The following DLG2 variants were observed in gnomAD, a reference collection of about 807,000 sequenced individuals.
DLG2 encodes the protein discs large MAGUK scaffold protein 2.
A neutral mutation model predicts 132.5 loss-of-function variants in DLG2; 45 were observed. The ratio of observed to expected loss-of-function variants is 0.34; its 90% confidence interval spans 0.27 to 0.44. The LOEUF is 0.44. DLG2 is among the 20% of genes least tolerant of loss of function. DLG2 has a pLI of 1.00. For synonymous variants in DLG2, 424 were observed against 419.6 expected, an observed-to-expected ratio of 1.01 and a Z score of -0.13; for missense variants, 1,045 against 1,196.9, an observed-to-expected ratio of 0.87 and a Z score of 1.87.
chr11:84,957,674 C>G (rs2051900721), intron 6 of DLG2, among the ~76,000 whole-genome samples: 1 of 152,206 alleles, frequency 6.6e-6, no homozygotes, highest in East Asian at 1.9e-4. Context: ...CTGCCTGCAT[C>G]AGAAGAGTCC....
At chr11:83,796,604 T>C (rs2042886120) in intron 17 of DLG2, among the ~76,000 whole-genome samples, 1 of 152,190 alleles carries the variant, frequency 6.6e-6, no homozygotes, top group Non-Finnish European at 1.5e-5. Context: ...TCCAGCATCT[T>C]GATATAATGT....
At chr11:84,220,289 T>C (rs2096895143) in intron 8 of DLG2, among the ~76,000 whole-genome samples, 1 of 152,236 alleles carries the variant, frequency 6.6e-6, no homozygotes, top group Non-Finnish European at 1.5e-5. Flanking sequence ...TACCGATTTA[T>C]GTACTCCTCT....
intron 5 of DLG2, among the ~76,000 whole-genome samples, chr11:85,152,509 G>C (rs2077323139): frequency 6.6e-6 from 1 of 152,028 alleles, no homozygotes. Flanking sequence ...AAAGTGCTGG[G>C]ATTACACCTT....
chr11:85,543,122 T>A (rs1217906497), intron 3 of DLG2, among the ~76,000 whole-genome samples: 9 of 152,170 alleles, frequency 5.9e-5, no homozygotes, highest in Admixed American at 3.3e-4. Context: ...TTTCTACTAA[T>A]GCTATCCCTC....
At chr11:85,012,930 G>C (rs1198005848) in intron 6 of DLG2, among the ~76,000 whole-genome samples, 1 of 152,158 alleles carries the variant, frequency 6.6e-6, no homozygotes, top group Non-Finnish European at 1.5e-5. Context: ...GTAAAATTAA[G>C]AGAGTTGTTG....
At chr11:85,490,578 C>G (rs1456546861) in intron 3 of DLG2, among the ~76,000 whole-genome samples, 1 of 151,550 alleles carries the variant, frequency 6.6e-6, no homozygotes, top group Non-Finnish European at 1.5e-5. Flanking sequence ...AGAAAGAAAA[C>G]TCAAATAAAC....
chr11:84,238,909 A>G lies in DLG2; in HGVS notation c.573+12329T>C, dbSNP rs1245574429. 2.0e-5 allele frequency among the ~76,000 whole-genome samples: 3 copies of G among 152,300 alleles called. No homozygotes were observed. In the East Asian group the frequency reaches 5.8e-4, roughly 29 times the overall value. On this transcript the variant is annotated intron_variant, in intron 8 of 27. Coordinates refer to ENST00000376104, the MANE Select transcript of DLG2 (RefSeq NM_001142699.3). ...ATTTGTAAACGACCACACTTTGAAA[A>G]GAGTGCTTATCTATGAGCAAGTTAA...
chr11:84,442,128 A>G (rs963746954), intron 7 of DLG2, among the ~76,000 whole-genome samples: 4 of 152,124 alleles, frequency 2.6e-5, no homozygotes, highest in Non-Finnish European at 5.9e-5. Context: ...TATGAAATTT[A>G]AAGTAGTTTT....
At chr11:83,470,256 T>C (rs897983156) in intron 24 of DLG2, among the ~76,000 whole-genome samples, 2 of 152,040 alleles carry the variant, frequency 1.3e-5, no homozygotes, top group Admixed American at 1.3e-4. Context: ...ATAATAATCA[T>C]TTGAAATAGT....
At chr11:84,373,406 C>T (rs987019393) in intron 7 of DLG2, among the ~76,000 whole-genome samples, 9 of 151,808 alleles carry the variant, frequency 5.9e-5, no homozygotes, top group African/African-American at 2.2e-4. Context: ...CCCGTCTCTA[C>T]TAAAAATAGA....
intron 7 of DLG2, among the ~76,000 whole-genome samples, chr11:84,260,480 T>C (rs1325749666): frequency 6.6e-6 from 1 of 152,190 alleles, no homozygotes; most frequent in Admixed American, 6.5e-5. Flanking sequence ...AAACACAAAT[T>C]GGCAATTATA....
At chr11:83,785,660 G>A (rs1456891262) in intron 18 of DLG2, among the ~76,000 whole-genome samples, 5 of 152,160 alleles carry the variant, frequency 3.3e-5, no homozygotes, top group African/African-American at 1.2e-4. Context: ...TTTATTCATG[G>A]GCAGACCATG....
intron 6 of DLG2, among the ~76,000 whole-genome samples, chr11:84,598,379 T>C (rs867103482): frequency 6.6e-5 from 10 of 152,094 alleles, no homozygotes; most frequent in African/African-American, 1.9e-4. Context: ...TCTTTGAGGG[T>C]TGGATTAAGA....
At chr11:84,248,701 C>CA (rs1289740630) in intron 8 of DLG2, among the ~76,000 whole-genome samples, 9 of 151,688 alleles carry the variant, frequency 5.9e-5, no homozygotes, top group South Asian at 2.1e-4. Context: ...CTAAAAAATA[C>CA]AAAAAACAAA....
intron 8 of DLG2, among the ~76,000 whole-genome samples, chr11:84,236,613 A>T (rs1376429356): frequency 6.6e-6 from 1 of 152,208 alleles, no homozygotes; most frequent in Non-Finnish European, 1.5e-5. Context: ...AACTTGATCA[A>T]GTCTGAGCCT....
chr11:83,790,927 G>A (rs2041364262), intron 17 of DLG2: 3 of 925,596 alleles, frequency 3.2e-6, no homozygotes, highest in Non-Finnish European at 5.1e-6. Flanking sequence ...ATGTAGTCCT[G>A]AGGCAGAAGT....
chr11:84,971,196 A>G (rs1299166598), intron 6 of DLG2, among the ~76,000 whole-genome samples: 2 of 152,226 alleles, frequency 1.3e-5, no homozygotes, highest in Non-Finnish European at 2.9e-5. Flanking sequence ...CAATAAACAT[A>G]GCGAAAAAAT....
intron 10 of DLG2, among the ~76,000 whole-genome samples, chr11:84,075,930 G>A (rs1021706424): frequency 6.6e-6 from 1 of 152,246 alleles, no homozygotes. Context: ...ATTTGCAAAT[G>A]GTATGCTTAA....
intron 6 of DLG2, among the ~76,000 whole-genome samples, chr11:84,873,605 A>G (rs950205884): frequency 1.3e-5 from 2 of 152,356 alleles, no homozygotes; most frequent in African/African-American, 2.4e-5. Flanking sequence ...CCAATTCTAC[A>G]TGAGAGAACA....
Sources: allele counts gnomAD v4.1 joint callset (sites outside exome capture counted in the v4.1 genomes callset), GRCh38; gene constraint gnomAD v4.1.1; transcripts MANE v1.5; gene names NCBI Gene and HGNC (gene_info 2026-07-23, HGNC 2026-07-21).